Variants in LHFPL3 observed in about 807,000 individuals in gnomAD.
LHFPL3 encodes the protein LHFPL tetraspan subfamily member 3 protein.
Under a neutral mutation model 19.3 loss-of-function variants are expected in LHFPL3, and 5 were observed. The observed-to-expected ratio is 0.26, with a 90% CI of 0.14 to 0.54. The LOEUF (loss-of-function observed/expected upper bound fraction) is 0.54. Among genes scored for constraint, LHFPL3 ranks in the 20% least tolerant of loss-of-function variants. The probability of loss-of-function intolerance (pLI) is 0.94; values close to 1 mark genes in which losing one functional copy is unlikely to be tolerated. For synonymous variants in LHFPL3, 133 were observed against 126.2 expected, an observed-to-expected ratio of 1.05 and a Z score of -0.36; for missense variants, 249 against 307.4, an observed-to-expected ratio of 0.81 and a Z score of 1.42.
At chr7:104,531,470 A>G (rs888140698) in intron 1 of LHFPL3, among the ~76,000 whole-genome samples, 3 of 152,196 alleles carry the variant, frequency 2.0e-5, no homozygotes, top group African/African-American at 7.2e-5. Context: ...TGGTGTTTAC[A>G]TGATTATGCC....
intron 2 of LHFPL3, among the ~76,000 whole-genome samples, chr7:104,903,803 G>T (rs1792541885): frequency 1.3e-5 from 2 of 152,172 alleles, no homozygotes; most frequent in Admixed American, 1.3e-4. Context: ...TGGTGTATAT[G>T]TACCACATTT....
chr7:104,726,055 CAAAAAAAAA>C (rs56697785), intron 1 of LHFPL3, among the ~76,000 whole-genome samples: 2 of 75,094 alleles, frequency 2.7e-5, no homozygotes, highest in Non-Finnish European at 4.8e-5. Flanking sequence ...CCATCTCAGG[CAAAAAAAAA>C]AAAAAAAAAA....
At position 104,365,787 on chromosome 7, in the gene LHFPL3, C is replaced by CAA. The variant is rs571171040; in HGVS notation, c.445+36580_445+36581dup. Among the ~76,000 whole-genome samples, 314 of 49,850 alleles carry CAA rather than the reference C, an allele frequency of 6.3e-3. 14 individuals are homozygous for CAA. Among genetic ancestry groups the CAA allele is most frequent in the African/African-American group, 0.018 (217 of 12,138 alleles). The allele number at this position is 49,850 out of a possible 152,430, so 32.7% of individuals were successfully genotyped here. A position where few individuals can be genotyped will look rare whatever the true frequency, so the allele number is the denominator to read the frequency against. On this transcript the variant is annotated intron_variant, in intron 1 of 2. Coordinates refer to ENST00000424859, the MANE Select transcript of LHFPL3 (RefSeq NM_199000.3). ...TGGGCGACAGAGCGAGACTCCGTCTCAAAAAAAAAAAAAAAAAAGAAAAGC... is the reference window on the plus strand; with the variant it reads ...TGGGCGACAGAGCGAGACTCCGTCTCAAAAAAAAAAAAAAAAAAAAGAAAAGC...
intron 2 of LHFPL3, among the ~76,000 whole-genome samples, chr7:104,842,113 T>A (rs1039139415): frequency 6.6e-6 from 1 of 151,470 alleles, no homozygotes; most frequent in African/African-American, 2.4e-5. Flanking sequence ...TTAAAATCAG[T>A]TTCTAAACTG....
chr7:104,395,802 T>C (rs1033060258), intron 1 of LHFPL3, among the ~76,000 whole-genome samples: 1 of 152,266 alleles, frequency 6.6e-6, no homozygotes. Flanking sequence ...ATGCTATTTA[T>C]TCTTTATTTT....
chr7:104,348,562 T>C (rs1231585084), intron 1 of LHFPL3, among the ~76,000 whole-genome samples: 1 of 152,254 alleles, frequency 6.6e-6, no homozygotes, highest in Non-Finnish European at 1.5e-5. Context: ...AAATCACATA[T>C]GTAGGTCCTA....
At position 104,406,460 on chromosome 7, in the gene LHFPL3, C is replaced by G. The variant is rs77759824; in HGVS notation, c.445+77236C>G. On this transcript the variant is annotated intron_variant, in intron 1 of 2. Transcript: ENST00000424859. Reference sequence around the variant, plus strand: ...ATGTGCCAGGAAATTAATATATTATCATTTATTCCTCAAAACTACCTGAAA... The same window carrying G: ...ATGTGCCAGGAAATTAATATATTATGATTTATTCCTCAAAACTACCTGAAA... Among the ~76,000 whole-genome samples, 698 of 152,320 alleles carry G rather than the reference C, an allele frequency of 4.6e-3. 2 individuals are homozygous for G. The highest frequency in any genetic ancestry group is 0.016 in the African/African-American group (665 of 41,558).
chr7:104,776,971 T>C (rs1307694378), intron 2 of LHFPL3, among the ~76,000 whole-genome samples: 2 of 152,208 alleles, frequency 1.3e-5, no homozygotes, highest in Non-Finnish European at 2.9e-5. Context: ...AACTCTCTCC[T>C]GAGACCAGCT....
rs527686583 is a variant in LHFPL3 at position 104,688,571 on chromosome 7, C to G, written c.446-48104C>G. ...CCAGAGGAAACAGCCTCCCCACCCC[C>G]CTGTGGTGGCAATATCCCTTCCCCA... On this transcript the variant is annotated intron_variant, in intron 1 of 2. Transcript: ENST00000424859. Among the ~76,000 whole-genome samples, 115 of 111,716 alleles carry G rather than the reference C, an allele frequency of 1.0e-3. 1 individual carries two copies. The highest frequency in any genetic ancestry group is 1.5e-3 in the East Asian group (5 of 3,234). 73.3% of individuals were successfully genotyped at this position (111,716 alleles called of 152,430 possible). A position where few individuals can be genotyped will look rare whatever the true frequency, so the allele number is the denominator to read the frequency against.
In LHFPL3 at chr7:104,424,983, TAAAAA is replaced by T. The variant is rs71153196; in HGVS notation, c.445+95777_445+95781del. The stretch of plus-strand genomic sequence containing the variant: ...GGCGACAGAGTGAGACTCCATCTCA[TAAAAA>T]AAAAAAAAAAAAAAAAAGAAGTATC... On this transcript the variant is annotated intron_variant, in intron 1 of 2. Coordinates refer to ENST00000424859, the MANE Select transcript of LHFPL3 (RefSeq NM_199000.3). 2.0e-4 allele frequency among the ~76,000 whole-genome samples: 13 copies of T among 65,160 alleles called. 1 individual carries two copies. Among genetic ancestry groups the T allele is most frequent in the East Asian group, 1.5e-3 (3 of 1,946 alleles). 42.7% of individuals were successfully genotyped at this position (65,160 alleles called of 152,430 possible). A position where few individuals can be genotyped will look rare whatever the true frequency, so the allele number is the denominator to read the frequency against.
rs980863022 is a variant in LHFPL3 at position 104,578,813 on chromosome 7, A to C, written c.446-157862A>C. Among the ~76,000 whole-genome samples the C allele has an allele frequency of 3.3e-5, 5 of 152,318 alleles. No individual in the cohort carries two copies. In the South Asian group the frequency reaches 8.3e-4, roughly 25 times the overall value. ...TGATAGATGACAGGCCATCAGATAA[A>C]GTCAGATTCAACTGAGATACAACTC... On this transcript the variant is annotated intron_variant, in intron 1 of 2. Transcript: ENST00000424859.
intron 1 of LHFPL3, among the ~76,000 whole-genome samples, chr7:104,449,067 A>T (rs1332481596): frequency 6.6e-6 from 1 of 152,202 alleles, no homozygotes; most frequent in African/African-American, 2.4e-5. Context: ...ATAAAATTAT[A>T]ACATGGATTT....
At chr7:104,806,290 T>C (rs1213534721) in intron 2 of LHFPL3, among the ~76,000 whole-genome samples, 1 of 152,256 alleles carries the variant, frequency 6.6e-6, no homozygotes, top group Non-Finnish European at 1.5e-5. Context: ...ATAGATTATT[T>C]AGAGATGTAT....
intron 1 of LHFPL3, among the ~76,000 whole-genome samples, chr7:104,708,768 G>C (rs1460572958): frequency 6.6e-6 from 1 of 152,076 alleles, no homozygotes; most frequent in East Asian, 1.9e-4. Context: ...GACTAAAAAT[G>C]TTAAATTATA....
intron 2 of LHFPL3, among the ~76,000 whole-genome samples, chr7:104,780,457 C>A (rs1562990331): frequency 6.6e-6 from 1 of 152,152 alleles, no homozygotes; most frequent in African/African-American, 2.4e-5. Context: ...CTCCTTCTCC[C>A]ACAGCTTTGT....
intron 1 of LHFPL3, among the ~76,000 whole-genome samples, chr7:104,735,069 T>C (rs1392281649): frequency 6.6e-6 from 1 of 152,188 alleles, no homozygotes; most frequent in Admixed American, 6.5e-5. Context: ...GTCTGATCGT[T>C]CCTCTGGAAG....
At chr7:104,513,487 T>C (rs142177116) in intron 1 of LHFPL3, among the ~76,000 whole-genome samples, 1 of 152,336 alleles carries the variant, frequency 6.6e-6, no homozygotes, top group East Asian at 1.9e-4. Context: ...AATTTCACTT[T>C]TTATTTTGGA....
At chr7:104,424,066 C>T (rs1283111277) in intron 1 of LHFPL3, among the ~76,000 whole-genome samples, 2 of 152,138 alleles carry the variant, frequency 1.3e-5, no homozygotes, top group African/African-American at 4.8e-5. Context: ...AAAATCGTAT[C>T]ACTCGACTAG....
At chr7:104,774,712 T>C (rs369881378) in intron 2 of LHFPL3, among the ~76,000 whole-genome samples, 1 of 152,370 alleles carries the variant, frequency 6.6e-6, no homozygotes, top group African/African-American at 2.4e-5. Flanking sequence ...CATCAAGATA[T>C]GGTCCATTTT....
Sources: allele counts gnomAD v4.1 joint callset (sites outside exome capture counted in the v4.1 genomes callset), GRCh38; gene constraint gnomAD v4.1.1; transcripts MANE v1.5; gene names NCBI Gene and HGNC (gene_info 2026-07-23, HGNC 2026-07-21).